The following ASIC2 variants were observed in gnomAD, a reference collection of about 807,000 sequenced individuals.
The protein encoded by ASIC2 is acid-sensing ion channel 2.
ASIC2 carries 25 observed loss-of-function variants against 57.3 expected under a neutral mutation model. The observed-to-expected ratio is 0.44, with a 90% CI of 0.32 to 0.61. ASIC2 has a LOEUF of 0.61. Ranked by LOEUF, ASIC2 falls within the 20% of genes least tolerant of loss-of-function variation. The pLI is 0.06. For synonymous variants in ASIC2, 319 were observed against 307.5 expected (o/e 1.04, Z -0.39); for missense variants, 641 against 738.1 (o/e 0.87, Z 1.52).
Position 34,110,439 on chromosome 17 carries a change from C to T in ASIC2, c.555+45539G>A, listed in dbSNP as rs1195847619. On this transcript the variant is annotated intron_variant, in intron 1 of 9. Transcript: ENST00000359872. The stretch of plus-strand genomic sequence containing the variant: ...TCTCTCTGCCCCTGGCTCTCCCAGC[C>T]TCTCTGCTGCCGCTGCCTCAGGATT... Among the ~76,000 whole-genome samples the T allele has an allele frequency of 3.3e-5, 5 of 152,242 alleles. No homozygotes were observed. The South Asian group carries it at 6.2e-4, about 19-fold the overall frequency.
At chr17:34,118,400 G>C (rs547985125) in intron 1 of ASIC2, 4 of 152,182 alleles carry the variant, frequency 2.6e-5, no homozygotes, top group African/African-American at 9.6e-5. Context: ...GAGTGGGGTT[G>C]GAGGAGACTA....
chr17:34,052,394 G>A lies in ASIC2; in HGVS notation c.555+103584C>T, dbSNP rs532114062. Reference sequence around the variant, plus strand: ...CCTGTGACTGGGATATATTGCCACCGGAATCCTCCAAAAATCCCATCTCCG... The same window carrying A: ...CCTGTGACTGGGATATATTGCCACCAGAATCCTCCAAAAATCCCATCTCCG... On this transcript the variant is annotated intron_variant, in intron 1 of 9. Transcript: ENST00000359872. Among the ~76,000 whole-genome samples the A allele has an allele frequency of 7.7e-4, 117 of 152,230 alleles. 1 individual carries two copies. The highest frequency in any genetic ancestry group is 1.5e-3 in the Non-Finnish European group (100 of 68,020).
intron 1 of ASIC2, among the ~76,000 whole-genome samples, chr17:33,751,098 CG>C (rs1337968905): frequency 1.3e-5 from 2 of 152,048 alleles, no homozygotes; most frequent in African/African-American, 4.8e-5. Context: ...AGGGTAGGGA[CG>C]GGTGGGGAGG....
intron 1 of ASIC2, among the ~76,000 whole-genome samples, chr17:33,882,441 G>T (rs185300847): frequency 0.025 from 3,856 of 152,254 alleles, 90 homozygotes; most frequent in Admixed American, 0.084. Flanking sequence ...CCATCAAAAA[G>T]TGGGCGAAGG....
At chr17:33,713,185 TG>T (rs1909108304) in intron 1 of ASIC2, among the ~76,000 whole-genome samples, 1 of 152,230 alleles carries the variant, frequency 6.6e-6, no homozygotes. Flanking sequence ...ACATAAGTTG[TG>T]AATACCAGGA....
chr17:33,744,267 A>G (rs775651144), intron 1 of ASIC2, among the ~76,000 whole-genome samples: 1 of 152,200 alleles, frequency 6.6e-6, no homozygotes, highest in Non-Finnish European at 1.5e-5. Flanking sequence ...CCCTTTTCCA[A>G]TTTAAATGGA....
At chr17:33,111,633 C>G (rs946417547) in intron 2 of ASIC2, among the ~76,000 whole-genome samples, 4 of 152,214 alleles carry the variant, frequency 2.6e-5, no homozygotes, top group Non-Finnish European at 5.9e-5. Context: ...ACCTGACCAA[C>G]CACACCTGTT....
chr17:34,084,921 G>C (rs1302331098), intron 1 of ASIC2, among the ~76,000 whole-genome samples: 3 of 152,212 alleles, frequency 2.0e-5, no homozygotes, highest in Admixed American at 6.5e-5. Flanking sequence ...TTGCCTATCA[G>C]CTTAAGGAGA....
intron 1 of ASIC2, among the ~76,000 whole-genome samples, chr17:33,642,216 C>G (rs1030585054): frequency 4.8e-5 from 7 of 146,526 alleles, no homozygotes; most frequent in Non-Finnish European, 1.1e-4. Flanking sequence ...CACCCCCCCC[C>G]CCCCCACACA....
chr17:33,037,258 T>C (rs2091912710), intron 3 of ASIC2, among the ~76,000 whole-genome samples: 3 of 152,166 alleles, frequency 2.0e-5, no homozygotes, highest in South Asian at 2.1e-4. Flanking sequence ...TCTAAAATGA[T>C]GCAGGTTAAC....
intron 1 of ASIC2, among the ~76,000 whole-genome samples, chr17:33,238,223 T>C (rs1908370201): frequency 6.6e-6 from 1 of 152,234 alleles, no homozygotes; most frequent in Non-Finnish European, 1.5e-5. Context: ...GAGGCTGTGC[T>C]GGAGAAACCC....
intron 1 of ASIC2, among the ~76,000 whole-genome samples, chr17:33,170,755 C>T (rs1187472838): frequency 6.6e-6 from 1 of 152,204 alleles, no homozygotes; most frequent in African/African-American, 2.4e-5. Context: ...AGACTAAAGA[C>T]CAGGTTGCCC....
intron 3 of ASIC2, among the ~76,000 whole-genome samples, chr17:33,053,767 A>C (rs1272356245): frequency 1.3e-5 from 2 of 151,816 alleles, no homozygotes; most frequent in African/African-American, 2.4e-5. Flanking sequence ...TCTTGTAGCC[A>C]CTCTGCCTTT....
chr17:33,354,136 C>T (rs1021162269), intron 1 of ASIC2, among the ~76,000 whole-genome samples: 4 of 152,148 alleles, frequency 2.6e-5, no homozygotes, highest in Non-Finnish European at 5.9e-5. Flanking sequence ...ATGGAAAAGA[C>T]CTGCCTCCAT....
chr17:33,941,030 C>CA (rs1333660657), intron 1 of ASIC2, among the ~76,000 whole-genome samples: 2 of 152,190 alleles, frequency 1.3e-5, no homozygotes, highest in African/African-American at 4.8e-5. Context: ...CAGCGACTGG[C>CA]AGTGTCAGAT....
At chr17:33,877,928 A>C (rs434569) in intron 1 of ASIC2, among the ~76,000 whole-genome samples, 1 of 152,116 alleles carries the variant, frequency 6.6e-6, no homozygotes, top group East Asian at 1.9e-4. Flanking sequence ...GGAACGATCA[A>C]GCAGCAACAT....
At chr17:33,113,702 C>T (rs1244578713) in intron 1 of ASIC2, among the ~76,000 whole-genome samples, 1 of 152,244 alleles carries the variant, frequency 6.6e-6, no homozygotes, top group East Asian at 1.9e-4. Flanking sequence ...GTGCTAGATG[C>T]TTATCTGTTA....
intron 1 of ASIC2, among the ~76,000 whole-genome samples, chr17:33,740,471 G>T (rs905930890): frequency 6.6e-6 from 1 of 152,178 alleles, no homozygotes; most frequent in East Asian, 1.9e-4. Context: ...GTCAGATCTC[G>T]TGAGAGCTCA....
At chr17:33,374,687 A>G (rs1237610445) in intron 1 of ASIC2, among the ~76,000 whole-genome samples, 1 of 152,192 alleles carries the variant, frequency 6.6e-6, no homozygotes, top group Non-Finnish European at 1.5e-5. Flanking sequence ...ATAGTAGTAG[A>G]CAGAGAAAGT....
Sources: gnomAD v4.1 joint callset for allele counts (sites outside exome capture counted in the v4.1 genomes callset) on GRCh38, gnomAD v4.1.1 for gene constraint, MANE v1.5 for transcripts, NCBI Gene and HGNC (gene_info 2026-07-23, HGNC 2026-07-21) for gene names.